Variants in SH3GL3 observed in about 807,000 individuals in gnomAD.
The protein encoded by SH3GL3 is endophilin-A3.
Under a neutral mutation model 47.7 loss-of-function variants are expected in SH3GL3, and 33 were observed. That is an observed-to-expected ratio of 0.69 (90% CI 0.52 to 0.92). The LOEUF (loss-of-function observed/expected upper bound fraction) is 0.92. Among genes scored for constraint, SH3GL3 ranks in the 40% least tolerant of loss-of-function variants. The probability of loss-of-function intolerance (pLI) is 0.00; values close to 1 mark genes in which losing one functional copy is unlikely to be tolerated. For missense variants in SH3GL3, 363 were observed against 417.8 expected, an observed-to-expected ratio of 0.87 and a Z score of 1.14; for synonymous variants, 155 against 148.8, an observed-to-expected ratio of 1.04 and a Z score of -0.30.
chr15:83,507,966 G>A (rs765429790), intron 1 of SH3GL3, among the ~76,000 whole-genome samples: 7 of 151,864 alleles, frequency 4.6e-5, no homozygotes, highest in Admixed American at 2.6e-4. Context: ...TGATTGAGAC[G>A]GAGTCTTGCT....
chr15:83,613,738 G>C (rs889809785), intron 8 of SH3GL3, among the ~76,000 whole-genome samples: 1 of 152,052 alleles, frequency 6.6e-6, no homozygotes, highest in Non-Finnish European at 1.5e-5. Flanking sequence ...TGGTGTCATA[G>C]ATCATGTACG....
chr15:83,593,604 C>T (rs1306922166), intron 8 of SH3GL3, among the ~76,000 whole-genome samples: 1 of 151,974 alleles, frequency 6.6e-6, no homozygotes, highest in Non-Finnish European at 1.5e-5. Context: ...TAATAGATTC[C>T]ATAGTTTTTC....
At position 83,476,334 on chromosome 15, in the gene SH3GL3, T is replaced by A. The variant is rs571976432; in HGVS notation, c.45+28756T>A. Among the ~76,000 whole-genome samples, 3 of 152,352 alleles carry A rather than the reference T, an allele frequency of 2.0e-5. No individual in the cohort carries two copies. In the South Asian group the frequency reaches 6.2e-4, roughly 32 times the overall value. The stretch of plus-strand genomic sequence containing the variant: ...ATGAGATAAATATTTGTGTTTGTAT[T>A]TGTCACCATTGCATGAAATAAATCT... On this transcript the variant is annotated intron_variant, in intron 1 of 8. Coordinates refer to ENST00000427482, the MANE Select transcript of SH3GL3 (RefSeq NM_003027.5).
intron 1 of SH3GL3, among the ~76,000 whole-genome samples, chr15:83,492,612 G>A (rs190455611): frequency 3.3e-5 from 5 of 152,278 alleles, no homozygotes; most frequent in Admixed American, 2.0e-4. Flanking sequence ...CATGGTAAGC[G>A]GAGCAGAGTG....
Position 83,460,068 on chromosome 15 carries a change from CCCTTCCTTCCTTCCTT to C in SH3GL3, c.45+12503_45+12518del, listed in dbSNP as rs1167747866. 8.6e-5 allele frequency among the ~76,000 whole-genome samples: 4 copies of C among 46,602 alleles called. No homozygotes were observed. The Admixed American group carries it at 1.4e-3, about 16-fold the overall frequency. The allele number at this position is 46,602 out of a possible 152,430, so 30.6% of individuals were successfully genotyped here. A position where few individuals can be genotyped will look rare whatever the true frequency, so the allele number is the denominator to read the frequency against. On this transcript the variant is annotated intron_variant, in intron 1 of 8. Coordinates refer to ENST00000427482, the MANE Select transcript of SH3GL3 (RefSeq NM_003027.5). ...TCCCTCCCTCCCTGCCTCCCTCCCT[CCCTTCCTTCCTTCCTT>C]CCTTCCTTCCTTGCTTCCTTCCTTC...
intron 1 of SH3GL3, among the ~76,000 whole-genome samples, chr15:83,468,411 TAGTGAGAGTTGACA>T (rs755046121): frequency 1.3e-5 from 2 of 152,144 alleles, no homozygotes; most frequent in Non-Finnish European, 2.9e-5. Flanking sequence ...TGAATAAGAG[TAGTGAGAGTTGACA>T]TCCTTGCCTT....
intron 1 of SH3GL3, among the ~76,000 whole-genome samples, chr15:83,517,283 C>A (rs1475611031): frequency 6.7e-6 from 1 of 149,300 alleles, no homozygotes; most frequent in Non-Finnish European, 1.5e-5. Flanking sequence ...CTGCTCACTG[C>A]AAACTCCATC....
chr15:83,460,772 T>C (rs748578877), intron 1 of SH3GL3, among the ~76,000 whole-genome samples: 17 of 152,264 alleles, frequency 1.1e-4, no homozygotes, highest in Admixed American at 2.6e-4. Context: ...TAAATCATGA[T>C]TCTGGTTGTT....
At chr15:83,625,228 T>C in the SH3GL3 span, among the ~76,000 whole-genome samples, 1 of 152,238 alleles carries the variant, frequency 6.6e-6, no homozygotes, top group Non-Finnish European at 1.5e-5. Context: ...ATGTTCCTAC[T>C]AACACTGTAA....
At position 83,559,258 on chromosome 15, in the gene SH3GL3, T is replaced by C; in HGVS notation, c.51T>C (p.Phe17=). The change falls in exon 2 of 9, where the codon TTT becomes TTC. Residue 17 remains phenylalanine (F), a synonymous_variant. Transcript: ENST00000427482. ...ATTTATGTTTATTTCTGCAGCTATT[T>C]AGTGAAAAAATAAGTGGTGCTGAAG... is the stretch of plus-strand genomic sequence containing the variant. The part of the protein sequence containing the change: ...KKQFHKASQL[F]SEKISGAEGT... The C allele has an allele frequency of 6.5e-7, 1 of 1,540,678 alleles. No homozygotes were observed. The highest frequency in any genetic ancestry group is 9.0e-7 in the Non-Finnish European group (1 of 1,112,886).
chr15:83,603,951 A>G (rs2060452438), intron 8 of SH3GL3, among the ~76,000 whole-genome samples: 1 of 152,306 alleles, frequency 6.6e-6, no homozygotes, highest in South Asian at 2.1e-4. Context: ...CCTGACCAAC[A>G]TGGAGAAACC....
At chr15:83,471,604 C>T (rs1347565219) in intron 1 of SH3GL3, among the ~76,000 whole-genome samples, 2 of 152,166 alleles carry the variant, frequency 1.3e-5, no homozygotes, top group Non-Finnish European at 2.9e-5. Flanking sequence ...TGTGTCTGGC[C>T]TATAAAAGTT....
chr15:83,512,459 T>C lies in SH3GL3; in HGVS notation c.46-46794T>C, dbSNP rs2042800207. 2.0e-5 allele frequency among the ~76,000 whole-genome samples: 3 copies of C among 152,162 alleles called. No individual in the cohort carries two copies. The South Asian group carries it at 6.2e-4, about 32-fold the overall frequency. ...AGTGCCTGTGGTATTCCCAAAGAAT[T>C]TGCTTTTGTGCGGCAGTCACAGCCT... On this transcript the variant is annotated intron_variant, in intron 1 of 8. Coordinates refer to ENST00000427482, the MANE Select transcript of SH3GL3 (RefSeq NM_003027.5).
intron 8 of SH3GL3, among the ~76,000 whole-genome samples, chr15:83,608,414 A>C (rs1481322825): frequency 6.6e-6 from 1 of 152,192 alleles, no homozygotes; most frequent in Non-Finnish European, 1.5e-5. Context: ...CAAAAACAAT[A>C]TGTTAGAGAT....
chr15:83,559,974 T>A (rs888854525), intron 2 of SH3GL3, among the ~76,000 whole-genome samples: 1 of 152,200 alleles, frequency 6.6e-6, no homozygotes, highest in African/African-American at 2.4e-5. Context: ...AATGGTATCA[T>A]CTCTGTCCCT....
At chr15:83,589,205 GA>G (rs1180447154) in intron 8 of SH3GL3, among the ~76,000 whole-genome samples, 4 of 150,830 alleles carry the variant, frequency 2.7e-5, no homozygotes, top group South Asian at 4.2e-4. Context: ...TAATCAAACA[GA>G]AAAAAAAATT....
At chr15:83,577,707 A>C (rs1482604019) in intron 6 of SH3GL3, among the ~76,000 whole-genome samples, 1 of 152,118 alleles carries the variant, frequency 6.6e-6, no homozygotes, top group East Asian at 1.9e-4. Flanking sequence ...TCAATATCTT[A>C]AATCTTGAGG....
intron 8 of SH3GL3, among the ~76,000 whole-genome samples, chr15:83,598,376 C>G (rs1381077271): frequency 6.6e-6 from 1 of 152,226 alleles, no homozygotes; most frequent in Non-Finnish European, 1.5e-5. Flanking sequence ...ACCTCATTTC[C>G]TCCATCTGCT....
rs189037734 is a variant in SH3GL3, at chr15:83,481,132, G to A, written c.45+33554G>A. 4.8e-3 allele frequency among the ~76,000 whole-genome samples: 730 copies of A among 152,116 alleles called. 2 individuals are homozygous for A. Among genetic ancestry groups the A allele is most frequent in the Non-Finnish European group, 6.9e-3 (469 of 67,992 alleles). On this transcript the variant is annotated intron_variant, in intron 1 of 8. Transcript: ENST00000427482. ...CTCTACTGAAAATACAAAAATTAGCGGGCGTGGTGGCAGCCACCTATATTC... is the reference window on the plus strand; with the variant it reads ...CTCTACTGAAAATACAAAAATTAGCAGGCGTGGTGGCAGCCACCTATATTC...
Sources: allele counts gnomAD v4.1 joint callset (sites outside exome capture counted in the v4.1 genomes callset), GRCh38; gene constraint gnomAD v4.1.1; transcripts MANE v1.5; gene names NCBI Gene and HGNC (gene_info 2026-07-23, HGNC 2026-07-21).